Variants in PACS1 observed in about 807,000 individuals in gnomAD.
PACS1 encodes PACS-1.
Under a neutral mutation model 115.0 loss-of-function variants are expected in PACS1, and 24 were observed. The ratio of observed to expected loss-of-function variants is 0.21; its 90% CI spans 0.15 to 0.29. The LOEUF (loss-of-function observed/expected upper bound fraction) is 0.29, where lower values mean the gene tolerates loss of function less well. Among genes scored for constraint, PACS1 ranks in the 10% least tolerant of loss-of-function variants. The pLI, the probability that PACS1 is intolerant of heterozygous loss-of-function variation, is 1.00. For synonymous variants in PACS1, 453 were observed against 504.5 expected (o/e 0.90, Z 1.37); for missense variants, 838 against 1,251.2 (o/e 0.67, Z 4.98).
chr11:66,207,530 A>G (rs1181274471), intron 2 of PACS1, among the ~76,000 whole-genome samples: 1 of 152,170 alleles, frequency 6.6e-6, no homozygotes, highest in Non-Finnish European at 1.5e-5. Context: ...CATGAATCTC[A>G]TAAATGTGTG....
chr11:66,206,602 G>C (rs1335760241), intron 2 of PACS1, among the ~76,000 whole-genome samples: 1 of 152,240 alleles, frequency 6.6e-6, no homozygotes, highest in African/African-American at 2.4e-5. Context: ...ATACTTGGGT[G>C]GTGAGAGTTC....
chr11:66,235,062 GAGA>G lies in PACS1; in HGVS notation c.2105-233_2105-231del, dbSNP rs757105485. Among the ~76,000 whole-genome samples the G allele has an allele frequency of 6.6e-6, 1 of 152,150 alleles. No individual in the cohort carries two copies. The highest frequency in any genetic ancestry group is 2.4e-5 in the African/African-American group (1 of 41,422). ...AGGACAGGCAGGAGCAAGTGGACATGAGAAGAAGGGTGTGCGTGGCCCAAGAAA... is the reference window on the plus strand; with the variant it reads ...AGGACAGGCAGGAGCAAGTGGACATGAGAAGGGTGTGCGTGGCCCAAGAAA... On this transcript the variant is annotated intron_variant, in intron 17 of 23. Transcript: ENST00000320580. The surrounding 1 kb of genome is among the most constrained non-coding windows in gnomAD (Gnocchi z 5.6).
intron 7 of PACS1, chr11:66,217,439 T>G (rs1439528646): frequency 2.4e-6 from 1 of 411,714 alleles, no homozygotes; most frequent in Non-Finnish European, 5.0e-6. Flanking sequence ...GGGCCAGAAG[T>G]GCTGGGAGCA....
chr11:66,134,479 A>C (rs1228785733), intron 1 of PACS1, among the ~76,000 whole-genome samples: 1 of 151,586 alleles, frequency 6.6e-6, no homozygotes, highest in Non-Finnish European at 1.5e-5. Flanking sequence ...TACTTCTAGG[A>C]TCCAAATGAC....
At chr11:66,167,594 A>G (rs1859637668) in intron 1 of PACS1, among the ~76,000 whole-genome samples, 1 of 149,894 alleles carries the variant, frequency 6.7e-6, no homozygotes, top group Non-Finnish European at 1.5e-5. Flanking sequence ...TCAATGTCTT[A>G]TTTTTAGAAA....
intron 4 of PACS1, among the ~76,000 whole-genome samples, chr11:66,213,771 C>G (rs1256550835): frequency 6.6e-6 from 1 of 152,200 alleles, no homozygotes; most frequent in African/African-American, 2.4e-5. Flanking sequence ...CAGTGGCTTA[C>G]GCCTGTAATT....
At chr11:66,101,735 A>G (rs1158620791) in intron 1 of PACS1, among the ~76,000 whole-genome samples, 2 of 152,134 alleles carry the variant, frequency 1.3e-5, no homozygotes, top group Non-Finnish European at 2.9e-5. Flanking sequence ...AAAATTACCT[A>G]CCAGGCAGTT....
chr11:66,166,927 A>T (rs116255110), intron 1 of PACS1, among the ~76,000 whole-genome samples: 2,123 of 150,428 alleles, frequency 0.014, 203 homozygotes, highest in African/African-American at 0.05. Context: ...TACCCTTGTC[A>T]TCTGGTAATG....
At chr11:66,212,305 T>TG (rs1855091883) in intron 4 of PACS1, among the ~76,000 whole-genome samples, 1 of 151,630 alleles carries the variant, frequency 6.6e-6, no homozygotes, top group African/African-American at 2.4e-5. Flanking sequence ...CTAATTTTTT[T>TG]TTTTTTTTAG....
rs761585481 is a variant in PACS1, at chr11:66,232,236, A to C, written c.1691A>C (p.Glu564Ala). 6.2e-7 allele frequency: 1 copy of C among 1,613,532 alleles called. No homozygotes were observed. Among genetic ancestry groups the C allele is most frequent in the East Asian group, 2.2e-5 (1 of 44,872 alleles). Residue 564 changes from glutamate (E) to alanine (A), a missense_variant, in exon 14 of 24, where the codon GAA becomes GCA. By Grantham distance (107) the Glu-to-Ala change is moderately radical. Around this residue, in one of 6 missense-constraint regions of PACS1, gnomAD observed 383 missense variants for 537.0 expected, o/e 0.71. Coordinates refer to ENST00000320580, the MANE Select transcript of PACS1 (RefSeq NM_018026.4). ...QILVSDAALP[E>A]NVILVNTTDW... ...CTGGTGTCAGATGCAGCCCTCCCAG[A>C]AAATGTCATTCTGGTGAACACCACT...
At chr11:66,071,274 G>A (rs1448958350) in intron 1 of PACS1, among the ~76,000 whole-genome samples, 2 of 152,194 alleles carry the variant, frequency 1.3e-5, no homozygotes, top group African/African-American at 4.8e-5. Flanking sequence ...CCTCTTGCAG[G>A]TAAAGCTCAT....
intron 20 of PACS1, 145 bp from the exon 21 acceptor site, chr11:66,238,997 C>A: frequency 1.4e-6 from 2 of 1,383,338 alleles, no homozygotes; most frequent in Non-Finnish European, 2.0e-6. Flanking sequence ...TCCCCTGCTG[C>A]GGTGGTGGCT....
rs116886340 is a variant in PACS1 at position 66,144,787 on chromosome 11, C to T, written c.357-48699C>T. Among the ~76,000 whole-genome samples the T allele has an allele frequency of 6.5e-3, 993 of 152,272 alleles. 9 individuals carry two copies. The highest frequency in any genetic ancestry group is 8.0e-3 in the Non-Finnish European group (547 of 68,034). On this transcript the variant is annotated intron_variant, in intron 1 of 23. Coordinates refer to ENST00000320580, the MANE Select transcript of PACS1 (RefSeq NM_018026.4). ...TAGCTGAGATTACAGGCATGCACCA[C>T]GACGCCCAGCTAATTTTTTGTATTT... is the stretch of plus-strand genomic sequence containing the variant.
intron 21 of PACS1, among the ~76,000 whole-genome samples, chr11:66,240,090 T>C (rs1855780926): frequency 1.3e-5 from 2 of 152,138 alleles, no homozygotes; most frequent in Non-Finnish European, 2.9e-5. Context: ...ACAATCCACG[T>C]CTCTAAAAAA....
rs761480761 is a variant in PACS1, at chr11:66,230,849, C to T, written c.1535C>T (p.Pro512Leu). The T allele has an allele frequency of 1.2e-6, 2 of 1,614,198 alleles. No individual in the cohort carries two copies. Among genetic ancestry groups the T allele is most frequent in the Non-Finnish European group, 1.7e-6 (2 of 1,180,006 alleles). The change falls in exon 13 of 24, where the codon CCC becomes CTC. Residue 512 changes from proline to leucine, a missense_variant. Coordinates refer to ENST00000320580, the MANE Select transcript of PACS1 (RefSeq NM_018026.4). ...ACACCCCGGCAGAAGAGGAGCACGCCCCTGAAGGAGCGGCAGCTCTCCAAG... is the reference window on the plus strand; with the variant it reads ...ACACCCCGGCAGAAGAGGAGCACGCTCCTGAAGGAGCGGCAGCTCTCCAAG... ...VHTPRQKRST[P>L]LKERQLSKPL... is the part of the protein sequence containing the mutation.
At chr11:66,123,131 G>A (rs943615691) in intron 1 of PACS1, among the ~76,000 whole-genome samples, 8 of 151,380 alleles carry the variant, frequency 5.3e-5, no homozygotes, top group Non-Finnish European at 1.0e-4. Context: ...CAACATTGAG[G>A]CAAGACCCTC....
intron 1 of PACS1, among the ~76,000 whole-genome samples, chr11:66,110,979 TA>T (rs1157317039): frequency 7.2e-5 from 11 of 152,228 alleles, no homozygotes. Context: ...TATCTGGTAT[TA>T]TCCTGGTACG....
At chr11:66,133,458 C>T (rs1858749729) in intron 1 of PACS1, among the ~76,000 whole-genome samples, 1 of 152,168 alleles carries the variant, frequency 6.6e-6, no homozygotes, top group South Asian at 2.1e-4. Flanking sequence ...CGATGCAGGT[C>T]ACTGGAACAG....
chr11:66,207,328 G>A (rs745428093), intron 2 of PACS1, among the ~76,000 whole-genome samples: 5 of 152,084 alleles, frequency 3.3e-5, no homozygotes, highest in Non-Finnish European at 5.9e-5. Context: ...TTAGCTGGGC[G>A]TGATGGCACT....
Sources: gnomAD v4.1 joint callset for allele counts (sites outside exome capture counted in the v4.1 genomes callset) on GRCh38, gnomAD v4.1.1 for gene constraint, gnomAD v4.1.1 regional missense constraint, Gnocchi (gnomAD v3.1) non-coding constraint, MANE v1.5 for transcripts, NCBI Gene and HGNC (gene_info 2026-07-23, HGNC 2026-07-21) for gene names.